The following MAP2K5 variants were observed in gnomAD, a reference collection of about 807,000 sequenced individuals.
MAP2K5 encodes mitogen-activated protein kinase kinase 5, also known as dual specificity mitogen-activated protein kinase kinase 5.
A neutral mutation model predicts 83.1 loss-of-function variants in MAP2K5; 49 were observed. That is an observed-to-expected ratio of 0.59 (90% CI 0.47 to 0.75). The LOEUF (loss-of-function observed/expected upper bound fraction) is 0.75. MAP2K5 is among the 30% of genes least tolerant of loss of function. MAP2K5 has a pLI of 0.00. For missense variants in MAP2K5, 457 were observed against 557.5 expected (o/e 0.82, Z 1.82); for synonymous variants, 202 against 191.8 (o/e 1.05, Z -0.44).
intron 11 of MAP2K5, among the ~76,000 whole-genome samples, chr15:67,654,958 G>A (rs189554742): frequency 2.8e-4 from 43 of 151,888 alleles, no homozygotes; most frequent in Admixed American, 9.8e-4. Flanking sequence ...CCAGCTACTC[G>A]GGAGGCTGAG....
chr15:67,588,328 C>T (rs1164760082), intron 6 of MAP2K5, among the ~76,000 whole-genome samples: 1 of 152,216 alleles, frequency 6.6e-6, no homozygotes, highest in African/African-American at 2.4e-5. Flanking sequence ...CCTTGACCTT[C>T]AGTCTGGCTA....
chr15:67,635,305 G>T (rs1243993516), intron 9 of MAP2K5, among the ~76,000 whole-genome samples: 1 of 151,186 alleles, frequency 6.6e-6, no homozygotes, highest in Non-Finnish European at 1.5e-5. Flanking sequence ...CTCCCGAGTA[G>T]CTGGGACTAC....
intron 8 of MAP2K5, among the ~76,000 whole-genome samples, chr15:67,615,160 G>A (rs2086027564): frequency 6.6e-6 from 1 of 152,062 alleles, no homozygotes; most frequent in South Asian, 2.1e-4. Context: ...ACCACGCCCT[G>A]CTAATTTTTG....
intron 2 of MAP2K5, among the ~76,000 whole-genome samples, chr15:67,560,197 G>T (rs937230535): frequency 1.3e-5 from 2 of 152,324 alleles, no homozygotes; most frequent in African/African-American, 2.4e-5. Context: ...AGAGAGAAGT[G>T]CATTTTTGCT....
chr15:67,743,208 C>T (rs773868255), intron 17 of MAP2K5, among the ~76,000 whole-genome samples: 1 of 152,196 alleles, frequency 6.6e-6, no homozygotes, highest in Non-Finnish European at 1.5e-5. Context: ...CTGAGATTTG[C>T]GCCAGAGAGA....
At position 67,690,587 on chromosome 15, in the gene MAP2K5, G is replaced by T. The variant is rs992303575; in HGVS notation, c.848-1892G>T. On this transcript the variant is annotated intron_variant, in intron 13 of 21. Transcript: ENST00000178640. The surrounding 1 kb of genome is among the most constrained non-coding windows in gnomAD (Gnocchi z 4.3). ...CTCGCTCTGATACCCAGGCTACAGT[G>T]CAGTGGCACCATCTCAGCTCACTGC... 1.2e-4 allele frequency among the ~76,000 whole-genome samples: 18 copies of T among 149,968 alleles called. No homozygotes were observed. Among genetic ancestry groups the T allele is most frequent in the African/African-American group, 4.4e-4 (18 of 40,696 alleles).
At chr15:67,752,925 A>G (rs1006118265) in intron 19 of MAP2K5, among the ~76,000 whole-genome samples, 2 of 152,182 alleles carry the variant, frequency 1.3e-5, no homozygotes, top group African/African-American at 4.8e-5. Context: ...ACAATGTTGC[A>G]AGATTTATAC....
intron 9 of MAP2K5, among the ~76,000 whole-genome samples, chr15:67,642,011 ATTACT>A (rs949201909): frequency 6.6e-6 from 1 of 152,168 alleles, no homozygotes; most frequent in Non-Finnish European, 1.5e-5. Context: ...GTTCTCAGAA[ATTACT>A]TTATTTGTTT....
chr15:67,562,686 GC>G lies in MAP2K5; in HGVS notation c.185-596del, dbSNP rs951180150. Among the ~76,000 whole-genome samples, 27 of 152,158 alleles carry G rather than the reference GC, an allele frequency of 1.8e-4. No individual in the cohort carries two copies. Among genetic ancestry groups the G allele is most frequent in the African/African-American group, 5.8e-4 (24 of 41,438 alleles). On this transcript the variant is annotated intron_variant, in intron 2 of 21. Transcript: ENST00000178640. This position sits in a 1 kb window ranked among gnomAD's most constrained non-coding sequence, Gnocchi z 4.1. ...AATGGGGGAGACCTGTATTAGAGCT[GC>G]TTTACAAGTTAACCTTGCACTAGGC...
At chr15:67,645,382 G>A (rs1005126055) in intron 9 of MAP2K5, among the ~76,000 whole-genome samples, 2 of 150,006 alleles carry the variant, frequency 1.3e-5, no homozygotes, top group African/African-American at 4.9e-5. Context: ...GGTGGCTGAG[G>A]TGGGAGGTTT....
intron 17 of MAP2K5, among the ~76,000 whole-genome samples, chr15:67,739,114 TACAA>T (rs1231572470): frequency 6.6e-6 from 1 of 151,492 alleles, no homozygotes; most frequent in Non-Finnish European, 1.5e-5. Context: ...ACCCCGTCTC[TACAA>T]AAAATTTAAA....
chr15:67,557,975 T>TATG (rs1419517649), intron 2 of MAP2K5, among the ~76,000 whole-genome samples: 9 of 152,236 alleles, frequency 5.9e-5, no homozygotes, highest in Non-Finnish European at 8.8e-5. Context: ...AAGAGTTAAT[T>TATG]ATGCATCCTA....
intron 13 of MAP2K5, among the ~76,000 whole-genome samples, chr15:67,681,242 A>T (rs1369699537): frequency 6.6e-6 from 1 of 152,232 alleles, no homozygotes; most frequent in Non-Finnish European, 1.5e-5. Context: ...AAGATCAGGG[A>T]TGATATCTGA....
rs4489954 is a variant in MAP2K5, at chr15:67,779,737, T to G, written c.1242+6985T>G. On this transcript the variant is annotated intron_variant, in intron 21 of 21. Transcript: ENST00000178640. This position sits in a 1 kb window ranked among gnomAD's most constrained non-coding sequence, Gnocchi z 4.6. ...TTTCGTGTTTTATTGGACTGTCATCTTCCTAGTATCTTGTTTCAAGGCACA... is the reference window on the plus strand; with the variant it reads ...TTTCGTGTTTTATTGGACTGTCATCGTCCTAGTATCTTGTTTCAAGGCACA... Among the ~76,000 whole-genome samples, 96,805 of 152,062 alleles carry G rather than the reference T, an allele frequency of 0.64. 31,666 individuals carry two copies. The highest frequency in any genetic ancestry group is 0.7 in the Non-Finnish European group (47,433 of 67,978).
intron 9 of MAP2K5, among the ~76,000 whole-genome samples, chr15:67,631,976 C>T (rs970447851): frequency 1.1e-4 from 16 of 152,294 alleles, no homozygotes; most frequent in African/African-American, 3.8e-4. Context: ...CCTTTATAAA[C>T]ATGCACTCTG....
In MAP2K5 at chr15:67,563,545, A is replaced by G. The variant is rs1029632228; in HGVS notation, c.252+195A>G. ...TCAAAAGACACTTACTGATCATATC[A>G]TAAACATTAAGAATAATGCATCTTA... On this transcript the variant is annotated intron_variant, in intron 3 of 21. Transcript: ENST00000178640. This position sits in a 1 kb window ranked among gnomAD's most constrained non-coding sequence, Gnocchi z 4.5. Among the ~76,000 whole-genome samples, 1 of 152,228 alleles carries G rather than the reference A, an allele frequency of 6.6e-6. No homozygotes were observed. Among genetic ancestry groups the G allele is most frequent in the Non-Finnish European group, 1.5e-5 (1 of 68,032 alleles).
Position 67,793,317 on chromosome 15 carries a change from T to C in MAP2K5, c.1243-13329T>C, listed in dbSNP as rs1475956399. ...CAAAAAATTCTTTAGCTCATTATTATGGACATTGTCTATTTGCCATGTTCT... is the reference window on the plus strand; with the variant it reads ...CAAAAAATTCTTTAGCTCATTATTACGGACATTGTCTATTTGCCATGTTCT... On this transcript the variant is annotated intron_variant, in intron 21 of 21. Transcript: ENST00000178640. The surrounding 1 kb of genome is among the most constrained non-coding windows in gnomAD (Gnocchi z 4.6). Among the ~76,000 whole-genome samples the C allele has an allele frequency of 1.3e-5, 2 of 152,232 alleles. No individual in the cohort carries two copies. Among genetic ancestry groups the C allele is most frequent in the Non-Finnish European group, 2.9e-5 (2 of 68,036 alleles).
chr15:67,576,537 T>C (rs2085068598), intron 3 of MAP2K5, among the ~76,000 whole-genome samples: 3 of 147,630 alleles, frequency 2.0e-5, no homozygotes, highest in Admixed American at 2.0e-4. Flanking sequence ...GAAGAACAGC[T>C]CAGAGGGACT....
At chr15:67,711,031 C>A (rs1191877336) in intron 16 of MAP2K5, among the ~76,000 whole-genome samples, 1 of 152,240 alleles carries the variant, frequency 6.6e-6, no homozygotes, top group East Asian at 1.9e-4. Flanking sequence ...TTCTGACCTT[C>A]ACCTGCATCT....
Sources: gnomAD v4.1 joint callset for allele counts (sites outside exome capture counted in the v4.1 genomes callset) on GRCh38, gnomAD v4.1.1 for gene constraint, Gnocchi (gnomAD v3.1) non-coding constraint, MANE v1.5 for transcripts, NCBI Gene and HGNC (gene_info 2026-07-23, HGNC 2026-07-21) for gene names.